The following HNF1B variants were observed in gnomAD, a reference collection of about 807,000 sequenced individuals.
HNF1B encodes hepatocyte nuclear factor 1-beta.
Under a neutral mutation model 61.7 loss-of-function variants are expected in HNF1B, and 8 were observed. The observed-to-expected ratio is 0.13, with a 90% CI of 0.08 to 0.23. HNF1B has a LOEUF of 0.23. Among genes scored for constraint, HNF1B ranks in the 10% least tolerant of loss-of-function variants. The pLI, the probability that HNF1B is intolerant of heterozygous loss-of-function variation, is 1.00. For missense variants in HNF1B, 562 were observed against 714.5 expected (o/e 0.79, Z 2.43); for synonymous variants, 314 against 287.7 (o/e 1.09, Z -0.93).
chr17:37,690,289 C>T (rs1022168512), intron 8 of HNF1B, among the ~76,000 whole-genome samples: 8 of 151,928 alleles, frequency 5.3e-5, no homozygotes, highest in African/African-American at 1.2e-4. Flanking sequence ...TAAAGCTGAG[C>T]GGGTGATGGA....
At chr17:37,705,399 T>A (rs1254221200) in intron 5 of HNF1B, among the ~76,000 whole-genome samples, 1 of 152,236 alleles carries the variant, frequency 6.6e-6, no homozygotes, top group Non-Finnish European at 1.5e-5. Context: ...CAGACAGTGA[T>A]CCCTGCCCTC....
intron 1 of HNF1B, among the ~76,000 whole-genome samples, chr17:37,741,137 A>G (rs1051737364): frequency 6.6e-6 from 1 of 152,236 alleles, no homozygotes; most frequent in East Asian, 1.9e-4. Context: ...CAAAAAAGAA[A>G]ACGGTGTAGA....
At chr17:37,713,382 G>T (rs983335929) in intron 4 of HNF1B, among the ~76,000 whole-genome samples, 2 of 152,182 alleles carry the variant, frequency 1.3e-5, no homozygotes, top group African/African-American at 4.8e-5. Flanking sequence ...AAGGATTTCC[G>T]CAGGAAACAA....
intron 4 of HNF1B, among the ~76,000 whole-genome samples, chr17:37,713,075 G>A (rs980971388): frequency 6.6e-6 from 1 of 152,200 alleles, no homozygotes; most frequent in Admixed American, 6.5e-5. Context: ...TGTTCTTTTG[G>A]AGGAACTGGA....
At position 37,744,868 on chromosome 17, in the gene HNF1B, G is replaced by T; in HGVS notation, c.17C>A (p.Thr6Lys). MVSKL[T>K]SLQQELLSAL... Reference sequence around the variant, plus strand: ...GCTCAGGAGTTCTTGCTGGAGCGACGTGAGCTTGGACACCATTTTCCAAGG... The same window carrying T: ...GCTCAGGAGTTCTTGCTGGAGCGACTTGAGCTTGGACACCATTTTCCAAGG... The change falls in exon 1 of 9, where the codon ACG (threonine) becomes AAG (lysine). Residue 6 changes from threonine to lysine, a missense_variant. By Grantham distance (78) the Thr-to-Lys change is moderately conservative (BLOSUM62 -1). Coordinates refer to ENST00000617811, the MANE Select transcript of HNF1B (RefSeq NM_000458.4). The T allele has an allele frequency of 6.5e-7, 1 of 1,541,966 alleles. No homozygotes were observed. Among genetic ancestry groups the T allele is most frequent in the Non-Finnish European group, 8.8e-7 (1 of 1,134,414 alleles).
chr17:37,699,881 C>CCA (rs1365710476), intron 7 of HNF1B, among the ~76,000 whole-genome samples: 8 of 152,208 alleles, frequency 5.3e-5, no homozygotes, highest in Non-Finnish European at 1.0e-4. Context: ...TCCCCCAAAC[C>CCA]CACAGCTTAT....
Position 37,744,682 on chromosome 17 carries a change from C to G in HNF1B, c.203G>C (p.Gly68Ala), listed in dbSNP as rs1192274088. The change falls in exon 1 of 9, where the codon GGC becomes GCC. Residue 68 changes from glycine to alanine, a missense_variant. Physicochemically the swap from Gly to Ala is moderately conservative, Grantham distance 60 (BLOSUM62 0). Transcript: ENST00000617811. ...GCCGGACAAGCGGCCCTTGGCGTGGCCGTTGGTGAGAGTATGGAAGACCGG... is the reference window on the plus strand; with the variant it reads ...GCCGGACAAGCGGCCCTTGGCGTGGGCGTTGGTGAGAGTATGGAAGACCGG... Reference protein sequence around the residue: ...TKPVFHTLTNGHAKGRLSGDE... With the variant: ...TKPVFHTLTNAHAKGRLSGDE... The G allele has an allele frequency of 6.2e-7, 1 of 1,613,392 alleles. No individual in the cohort carries two copies. The highest frequency in any genetic ancestry group is 1.3e-5 in the African/African-American group (1 of 74,952).
At chr17:37,716,915 A>G (rs2033142810) in intron 4 of HNF1B, among the ~76,000 whole-genome samples, 1 of 148,572 alleles carries the variant, frequency 6.7e-6, no homozygotes, top group Non-Finnish European at 1.5e-5. Flanking sequence ...ATTCTGGGTC[A>G]GTTAACTTTT....
intron 4 of HNF1B, among the ~76,000 whole-genome samples, chr17:37,723,246 C>T (rs1293331582): frequency 6.6e-6 from 1 of 151,638 alleles, no homozygotes; most frequent in African/African-American, 2.4e-5. Flanking sequence ...ACTCGGGAGG[C>T]TGAGGCCGGA....
rs552509573 is a variant in HNF1B at position 37,731,377 on chromosome 17, G to A, written c.1045+218C>T. On this transcript the variant is annotated intron_variant, in intron 4 of 8. Coordinates refer to ENST00000617811, the MANE Select transcript of HNF1B (RefSeq NM_000458.4). ...TAGGGTAAAGGGCTCCCTGGAAGCCGAGTGAGCCCTCACAGGGCAATGGCT... is the reference window on the plus strand; with the variant it reads ...TAGGGTAAAGGGCTCCCTGGAAGCCAAGTGAGCCCTCACAGGGCAATGGCT... 2.5e-4 allele frequency: 168 copies of A among 669,042 alleles called. 2 individuals are homozygous for A. The highest frequency in any genetic ancestry group is 1.1e-3 in the South Asian group (72 of 62,782). 41.4% of individuals were successfully genotyped at this position (669,042 alleles called of 1,614,324 possible).
At chr17:37,710,999 C>T (rs985017839) in intron 4 of HNF1B, among the ~76,000 whole-genome samples, 4 of 152,218 alleles carry the variant, frequency 2.6e-5, no homozygotes, top group Admixed American at 6.5e-5. Context: ...TTATTGCTTC[C>T]GCACAGTTCT....
At chr17:37,702,727 C>G (rs2032612871) in intron 6 of HNF1B, among the ~76,000 whole-genome samples, 1 of 152,232 alleles carries the variant, frequency 6.6e-6, no homozygotes, top group Admixed American at 6.5e-5. Flanking sequence ...CAGAAATCAT[C>G]TGGGGGAGCT....
intron 7 of HNF1B, 88 bp from the exon 8 acceptor site, chr17:37,699,282 TCTC>T (rs1246121023): frequency 1.1e-6 from 1 of 937,864 alleles, no homozygotes; most frequent in Admixed American, 1.7e-5. Context: ...ATAGCTCCCA[TCTC>T]CTCAGGTAGA....
intron 4 of HNF1B, among the ~76,000 whole-genome samples, chr17:37,725,308 T>C (rs1161980450): frequency 1.3e-5 from 2 of 152,208 alleles, no homozygotes; most frequent in African/African-American, 2.4e-5. Flanking sequence ...CCTTTGGTGA[T>C]AGGACTCCAG....
rs1330694440 is a variant in HNF1B, at chr17:37,687,038, T to C, written c.*334A>G. 3 of 553,808 alleles carry C rather than the reference T, an allele frequency of 5.4e-6. No homozygotes were observed. Among genetic ancestry groups the C allele is most frequent in the Non-Finnish European group, 9.7e-6 (3 of 307,768 alleles). The allele number at this position is 553,808 out of a possible 1,614,324, so 34.3% of individuals were successfully genotyped here. A position where few individuals can be genotyped will look rare whatever the true frequency, so the allele number is the denominator to read the frequency against. ...TCAGTAACAGATTCAAGTTTTCGCA[T>C]CAGTTTGTTCGATGAAGGATCACAA... On this transcript the variant is annotated 3_prime_UTR_variant, in exon 9 of 9. Transcript: ENST00000617811.
intron 2 of HNF1B, among the ~76,000 whole-genome samples, chr17:37,735,510 C>T (rs1196128420): frequency 6.6e-6 from 1 of 152,162 alleles, no homozygotes; most frequent in Non-Finnish European, 1.5e-5. Context: ...ATTCTTAGGC[C>T]ACCTTAGGGC....
chr17:37,725,878 C>T (rs1486050923), intron 4 of HNF1B, among the ~76,000 whole-genome samples: 1 of 152,212 alleles, frequency 6.6e-6, no homozygotes, highest in East Asian at 1.9e-4. Context: ...ATTTAGTAGT[C>T]CAGACAGTGC....
At chr17:37,710,805 G>T in intron 4 of HNF1B, 142 bp from the exon 5 acceptor site, 1 of 809,678 alleles carries the variant, frequency 1.2e-6, no homozygotes, top group Non-Finnish European at 2.1e-6. Flanking sequence ...AAGAAATATC[G>T]GCTGCTTTTC....
intron 6 of HNF1B, among the ~76,000 whole-genome samples, 180 bp downstream of exon 6, chr17:37,704,737 T>C (rs2032683783): frequency 1.3e-5 from 2 of 152,216 alleles, no homozygotes; most frequent in African/African-American, 4.8e-5. Context: ...TCTCTTGTTT[T>C]AGGCTAAACA....
Sources: gnomAD v4.1 joint callset for allele counts (sites outside exome capture counted in the v4.1 genomes callset) on GRCh38, gnomAD v4.1.1 for gene constraint, MANE v1.5 for transcripts, NCBI Gene and HGNC (gene_info 2026-07-23, HGNC 2026-07-21) for gene names.